The following MST1 variants were observed in gnomAD, a reference collection of about 807,000 sequenced individuals.
MST1 encodes macrophage stimulating 1.
A neutral mutation model predicts 100.1 loss-of-function variants in MST1; 76 were observed. The ratio of observed to expected loss-of-function variants is 0.76; its 90% CI spans 0.63 to 0.92. The LOEUF (loss-of-function observed/expected upper bound fraction) is 0.92, where lower values mean the gene tolerates loss of function less well. Ranked by LOEUF, MST1 falls within the 40% of genes least tolerant of loss-of-function variation. The pLI is 0.00. For missense variants in MST1, 850 were observed against 990.0 expected, an observed-to-expected ratio of 0.86 and a Z score of 1.90; for synonymous variants, 352 against 385.4, an observed-to-expected ratio of 0.91 and a Z score of 1.01.
rs1273803830 is a variant in MST1, at chr3:49,687,761, T to C, written c.231A>G (p.Leu77=). The C allele has an allele frequency of 8.1e-6, 13 of 1,613,376 alleles. No homozygotes were observed. Among genetic ancestry groups the C allele is most frequent in the African/African-American group, 2.7e-5 (2 of 74,894 alleles). ...AEECAGRCGP[L]MDCRAFHYNV... ...CAGTGGCCACTCACCGGCAGTCCATTAAGGGCCCACAGCGACCAGCACACT... is the reference window on the plus strand; with the variant it reads ...CAGTGGCCACTCACCGGCAGTCCATCAAGGGCCCACAGCGACCAGCACACT... Residue 77 remains leucine (L), a synonymous_variant, in exon 2 of 18, where the codon TTA becomes TTG. Transcript: ENST00000449682.
In MST1 at chr3:49,684,447, C is replaced by A. The variant is rs1350844055; in HGVS notation, c.1883G>T (p.Gly628Val). The A allele has an allele frequency of 2.5e-6, 4 of 1,613,474 alleles. No individual in the cohort carries two copies. The highest frequency in any genetic ancestry group is 3.4e-6 in the Non-Finnish European group (4 of 1,179,854). The change falls in exon 17 of 18, where the codon GGT (glycine) becomes GTT (valine). Residue 628 changes from glycine (G) to valine (V), a missense_variant. Around this residue, in one of 2 missense-constraint regions of MST1, gnomAD observed 816 missense variants for 924.6 expected, o/e 0.88. Coordinates refer to ENST00000449682, the MANE Select transcript of MST1 (RefSeq NM_020998.4). Reference sequence around the variant, plus strand: ...GGCCACATTTAGGACTGTGTCATTACCCGTACCTGCAGTGAGGGGAATGGG... The same window carrying A: ...GGCCACATTTAGGACTGTGTCATTAACCGTACCTGCAGTGAGGGGAATGGG... Reference protein sequence around the residue: ...IAGWGETKGTGNDTVLNVALL... With the variant: ...IAGWGETKGTVNDTVLNVALL...
At position 49,685,524 on chromosome 3, in the gene MST1, C is replaced by T; in HGVS notation, c.1388-18G>A. ...GTCATCAGCTGAAAGACAAAGTTCA[C>T]TGGGGTTAAGGGAGCCAGCCTTTGG... On this transcript the variant is annotated intron_variant, in intron 11 of 17. Transcript: ENST00000449682. 1 of 1,613,426 alleles carries T rather than the reference C, an allele frequency of 6.2e-7. No individual in the cohort carries two copies. The highest frequency in any genetic ancestry group is 8.5e-7 in the Non-Finnish European group (1 of 1,179,852).
chr3:49,686,291 C>CCT, intron 8 of MST1, 22 bp downstream of exon 8: 1 of 1,093,300 alleles, frequency 9.1e-7, no homozygotes, highest in Non-Finnish European at 1.3e-6. Context: ...GTCCCAACGC[C>CCT]CGCCCCCCCC....
Position 49,684,317 on chromosome 3 carries a change from A to G in MST1, c.2013T>C (p.Cys671=), listed in dbSNP as rs773467740. Residue 671 remains cysteine (C), a synonymous_variant, in exon 17 of 18, where the codon TGT becomes TGC. Coordinates refer to ENST00000449682, the MANE Select transcript of MST1 (RefSeq NM_020998.4). ...GGCCCAGGGCCCTGCCACCAACCTC[A>G]CAGGCCCCCACAGGGGCCAACAGTC... ...TEGLLAPVGA[C]EGDYGGPLAC... 5.6e-6 allele frequency: 9 copies of G among 1,612,990 alleles called. No homozygotes were observed. The highest frequency in any genetic ancestry group is 1.7e-4 in the Middle Eastern group (1 of 6,050).
In MST1 at chr3:49,686,976, G is replaced by T. The variant is rs773690573; in HGVS notation, c.699C>A (p.His233Gln). 1 of 1,611,208 alleles carries T rather than the reference G, an allele frequency of 6.2e-7. No individual in the cohort carries two copies. The highest frequency in any genetic ancestry group is 2.2e-5 in the East Asian group (1 of 44,888). The change falls in exon 6 of 18, where the codon CAC (histidine) becomes CAA (glutamine). Residue 233 changes from histidine (H) to glutamine (Q), a missense_variant. His to Gln is a conservative substitution (Grantham distance 24). Transcript: ENST00000449682. Reference protein sequence around the residue: ...GRECQRWDLQHPHQHPFEPGK... With the variant: ...GRECQRWDLQQPHQHPFEPGK... ...CCGGCTCGAAGGGGTGCTGGTGCGG[G>T]TGCTGAAGATCCCAGCGCTGGCACT...
chr3:49,685,183 A>C (rs935622522), intron 13 of MST1, 79 bp downstream of exon 13: 22 of 1,601,368 alleles, frequency 1.4e-5, no homozygotes, highest in Non-Finnish European at 1.8e-5. Flanking sequence ...GCAGGGATAG[A>C]TTCCCAGCCC....
rs1409444179 is a variant in MST1, at chr3:49,689,085, G to A, written c.-394C>T. On this transcript the variant is annotated 5_prime_UTR_variant, in exon 1 of 18. Coordinates refer to ENST00000449682, the MANE Select transcript of MST1 (RefSeq NM_020998.4). ...GCCTCCCCTCCACCCTTTTGCTGCT[G>A]CCTTATCAGGCCCCAGCTGTAGGCA... 1.3e-5 allele frequency: 2 copies of A among 158,858 alleles called. No homozygotes were observed. The highest frequency in any genetic ancestry group is 4.8e-5 in the African/African-American group (2 of 41,620). The allele number at this position is 158,858 out of a possible 1,614,324, so 9.8% of individuals were successfully genotyped here.
rs1410030800 is a variant in MST1 at position 49,687,913 on chromosome 3, G to A, written c.95-16C>T. On this transcript the variant is annotated splice_polypyrimidine_tract_variant and intron_variant, in intron 1 of 17. Coordinates refer to ENST00000449682, the MANE Select transcript of MST1 (RefSeq NM_020998.4). ...GAGCGCTGCCCTGCAGAGTAGGCAT[G>A]AGTGGGTGCAGGTCAGGTGGGCATA... is the stretch of plus-strand genomic sequence containing the variant. 1.2e-6 allele frequency: 2 copies of A among 1,610,646 alleles called. No homozygotes were observed. Among genetic ancestry groups the A allele is most frequent in the Middle Eastern group, 3.4e-4 (2 of 5,872 alleles).
In MST1 at chr3:49,686,397, G is replaced by A. The variant is rs1269338404; in HGVS notation, c.932C>T (p.Thr311Ile). 6.2e-7 allele frequency: 1 copy of A among 1,612,556 alleles called. No homozygotes were observed. The highest frequency in any genetic ancestry group is 8.5e-7 in the Non-Finnish European group (1 of 1,179,780). Reference sequence around the variant, plus strand: ...CTGGCAAGGTACGCCCGCAGTGGTGGTATTGGCTGTGCCCCGGTAGCCCTC... The same window carrying A: ...CTGGCAAGGTACGCCCGCAGTGGTGATATTGGCTGTGCCCCGGTAGCCCTC... ...KGEGYRGTAN[T>I]TTAGVPCQRW... Residue 311 changes from threonine to isoleucine, a missense_variant, in exon 8 of 18, where the codon ACC becomes ATC. Around this residue, in one of 2 missense-constraint regions of MST1, gnomAD observed 816 missense variants for 924.6 expected, o/e 0.88. Transcript: ENST00000449682.
Position 49,685,879 on chromosome 3 carries a change from C to G in MST1, c.1231G>C (p.Glu411Gln). The change falls in exon 10 of 18, where the codon GAG becomes CAG. Residue 411 changes from glutamate to glutamine, a missense_variant. Glu to Gln is a conservative substitution (Grantham distance 29, BLOSUM62 2). This residue lies in a region of MST1 where 816 missense variants were observed against 924.6 expected (regional missense o/e 0.88). Coordinates refer to ENST00000449682, the MANE Select transcript of MST1 (RefSeq NM_020998.4). ...ACTCACTGCGGCTTGTGCGGCGTCT[C>G]AGCGGACCAGCGCTGGCACTGGACA... ...KGVQCQRWSA[E>Q]TPHKPQFTFT... The G allele has an allele frequency of 1.2e-6, 2 of 1,607,822 alleles. No homozygotes were observed. Among genetic ancestry groups the G allele is most frequent in the Non-Finnish European group, 1.7e-6 (2 of 1,178,634 alleles).
chr3:49,689,455 G>A lies in MST1; in HGVS notation c.-764C>T, dbSNP rs1225705497. 6.6e-6 allele frequency: 1 copy of A among 152,418 alleles called. No homozygotes were observed. The highest frequency in any genetic ancestry group is 1.5e-5 in the Non-Finnish European group (1 of 68,196). 9.4% of individuals were successfully genotyped at this position (152,418 alleles called of 1,614,324 possible). A position where few individuals can be genotyped will look rare whatever the true frequency, so the allele number is the denominator to read the frequency against. ...ACAACCCGGTGGGAAGCCATGGAGG[G>A]GGTCCCCTAGCGGAGGCTGGGCGCG... On this transcript the variant is annotated 5_prime_UTR_variant, in exon 1 of 18. Transcript: ENST00000449682.
rs1553681750 is a variant in MST1, at chr3:49,686,299, C to CCCCG, written c.1016+13_1016+14insCGGG. On this transcript the variant is annotated intron_variant, in intron 8 of 17. Transcript: ENST00000449682. Reference sequence around the variant, plus strand: ...GCAGCACGTCCCAACGCCCGCCCCCCCCCCCCACCTCACTTGCACGCGTAT... The same window carrying CCCCG: ...GCAGCACGTCCCAACGCCCGCCCCCCCCCGCCCCCCACCTCACTTGCACGCGTAT... 4.4e-6 allele frequency: 6 copies of CCCCG among 1,362,778 alleles called. No individual in the cohort carries two copies. Among genetic ancestry groups the CCCCG allele is most frequent in the Non-Finnish European group, 5.0e-6 (5 of 1,003,576 alleles). The allele number at this position is 1,362,778 out of a possible 1,614,324, so 84.4% of individuals were successfully genotyped here. A position where few individuals can be genotyped will look rare whatever the true frequency, so the allele number is the denominator to read the frequency against.
rs1199672162 is a variant in MST1 at position 49,686,771 on chromosome 3, A to G, written c.760T>C (p.Cys254Arg). The G allele has an allele frequency of 3.7e-6, 6 of 1,611,308 alleles. No homozygotes were observed. In the East Asian group the frequency reaches 8.9e-5, roughly 24 times the overall value. The change falls in exon 7 of 18, where the codon TGC (cysteine) becomes CGC (arginine). Residue 254 changes from cysteine to arginine, a missense_variant. Coordinates refer to ENST00000449682, the MANE Select transcript of MST1 (RefSeq NM_020998.4). ...FLDQGLDDNYCRNPDGSERPW... is the reference protein window; with the variant it reads ...FLDQGLDDNYRRNPDGSERPW... Reference sequence around the variant, plus strand: ...CGCTCGGAGCCGTCAGGATTCCGGCAATAGTTGTCGTCCAGACCTTGGTCG... The same window carrying G: ...CGCTCGGAGCCGTCAGGATTCCGGCGATAGTTGTCGTCCAGACCTTGGTCG...
At position 49,687,740 on chromosome 3, in the gene MST1, G is replaced by A. The variant is rs2053907323; in HGVS notation, c.242+10C>T. The A allele has an allele frequency of 2.5e-6, 4 of 1,613,390 alleles. No homozygotes were observed. The highest frequency in any genetic ancestry group is 1.1e-5 in the South Asian group (1 of 91,076). On this transcript the variant is annotated intron_variant, in intron 2 of 17. Coordinates refer to ENST00000449682, the MANE Select transcript of MST1 (RefSeq NM_020998.4). ...GCCCCCAGTCTTATCTAGGCCCAGT[G>A]GCCACTCACCGGCAGTCCATTAAGG...
In MST1 at chr3:49,687,841, G is replaced by A; in HGVS notation, c.151C>T (p.Leu51=). 1 of 1,613,498 alleles carries A rather than the reference G, an allele frequency of 6.2e-7. No individual in the cohort carries two copies. The highest frequency in any genetic ancestry group is 8.5e-7 in the Non-Finnish European group (1 of 1,179,836). Residue 51 remains leucine, a synonymous_variant, in exon 2 of 18, where the codon CTG becomes TTG. Coordinates refer to ENST00000449682, the MANE Select transcript of MST1 (RefSeq NM_020998.4). ...GGCCCGGGCACCACCGCATGTAGCA[G>A]GTGCTGTAGCTCTGTGCCCCGGAGC... ...QVLRGTELQH[L]LHAVVPGPWQ...
intron 8 of MST1, 54 bp from the exon 9 acceptor site, chr3:49,686,246 T>C (rs2053727016): frequency 6.2e-7 from 1 of 1,600,858 alleles, no homozygotes; most frequent in Admixed American, 1.7e-5. Flanking sequence ...CTTGAGCCCG[T>C]GACTACCTTC....
In MST1 at chr3:49,684,861, T is replaced by G; in HGVS notation, c.1646A>C (p.Glu549Ala). 6.2e-7 allele frequency: 1 copy of G among 1,613,542 alleles called. No individual in the cohort carries two copies. The highest frequency in any genetic ancestry group is 1.3e-5 in the African/African-American group (1 of 75,016). Residue 549 changes from glutamate (E) to alanine (A), a missense_variant, in exon 15 of 18, where the codon GAG becomes GCG. By Grantham distance (107) the Glu-to-Ala change is moderately radical. Around this residue, in one of 2 missense-constraint regions of MST1, gnomAD observed 816 missense variants for 924.6 expected, o/e 0.88. Coordinates refer to ENST00000449682, the MANE Select transcript of MST1 (RefSeq NM_020998.4). ...SSCHMPLTGY[E>A]VWLGTLFQNP... ...CTGGAACAGGGTGCCCAACCATACCTCATAGCCCGTGAGAGGCATATGGCT... is the reference window on the plus strand; with the variant it reads ...CTGGAACAGGGTGCCCAACCATACCGCATAGCCCGTGAGAGGCATATGGCT...
In MST1 at chr3:49,687,272, G is replaced by T; in HGVS notation, c.484C>A (p.Leu162Ile). Residue 162 changes from leucine to isoleucine, a missense_variant, in exon 5 of 18, where the codon CTC (leucine) becomes ATC (isoleucine). Physicochemically the swap from Leu to Ile is conservative, Grantham distance 5. Around this residue, in one of 2 missense-constraint regions of MST1, gnomAD observed 816 missense variants for 924.6 expected, o/e 0.88. Coordinates refer to ENST00000449682, the MANE Select transcript of MST1 (RefSeq NM_020998.4). ...AAGTTCTCTTCCAGGCCATTCCGGA[G>T]AGTGGGCGTGTACCTGAGGGCCCAG... is the stretch of plus-strand genomic sequence containing the variant. ...FPNDHKYTPTLRNGLEENFCR... is the reference protein window; with the variant it reads ...FPNDHKYTPTIRNGLEENFCR... 5.6e-6 allele frequency: 9 copies of T among 1,613,564 alleles called. No homozygotes were observed. The highest frequency in any genetic ancestry group is 6.8e-6 in the Non-Finnish European group (8 of 1,179,870).
rs770137188 is a variant in MST1, at chr3:49,684,008, A to T, written c.*20T>A. 7 of 1,610,646 alleles carry T rather than the reference A, an allele frequency of 4.3e-6. No homozygotes were observed. The highest frequency in any genetic ancestry group is 5.1e-6 in the Non-Finnish European group (6 of 1,178,334). The stretch of plus-strand genomic sequence containing the variant: ...CAAGAAGTTTTGTCCTCCCCAAGGC[A>T]TATGGCATCAAGGCTGGGCCTAACC... On this transcript the variant is annotated 3_prime_UTR_variant, in exon 18 of 18. Coordinates refer to ENST00000449682, the MANE Select transcript of MST1 (RefSeq NM_020998.4).
Sources: allele counts gnomAD v4.1 joint callset, GRCh38; gene constraint gnomAD v4.1.1; regional missense constraint gnomAD v4.1.1; transcripts MANE v1.5; gene names NCBI Gene and HGNC (gene_info 2026-07-23, HGNC 2026-07-21).